MORC2: variants seen among roughly 807,000 people sequenced by gnomAD.
The protein encoded by MORC2 is ATPase MORC2.
A neutral mutation model predicts 136.0 loss-of-function variants in MORC2; 30 were observed. That is an observed-to-expected ratio of 0.22 (90% CI 0.17 to 0.30). The LOEUF is 0.30. Among genes scored for constraint, MORC2 ranks in the 10% least tolerant of loss-of-function variants. The pLI, the probability that MORC2 is intolerant of heterozygous loss-of-function variation, is 1.00. For synonymous variants in MORC2, 439 were observed against 487.0 expected (o/e 0.90, Z 1.30); for missense variants, 922 against 1,333.1 (o/e 0.69, Z 4.80).
chr22:30,944,037 C>T (rs956801021), intron 6 of MORC2, among the ~76,000 whole-genome samples: 3 of 152,204 alleles, frequency 2.0e-5, no homozygotes, highest in Admixed American at 2.0e-4. Flanking sequence ...GGATTATAGG[C>T]GTGAGCCACC....
At chr22:30,956,597 C>G (rs188036401) in intron 3 of MORC2, among the ~76,000 whole-genome samples, 166 bp downstream of exon 3, 11 of 152,302 alleles carry the variant, frequency 7.2e-5, no homozygotes, top group Admixed American at 1.3e-4. Context: ...CTGACCAGAG[C>G]TGACCATACC....
At chr22:30,931,658 G>C (rs2147238077) in intron 24 of MORC2, among the ~76,000 whole-genome samples, 1 of 152,304 alleles carries the variant, frequency 6.6e-6, no homozygotes, top group Non-Finnish European at 1.5e-5. Flanking sequence ...ACACAGGCAG[G>C]CACTTGGCAA....
chr22:30,967,229 T>C (rs2041141527), intron 1 of MORC2: 2 of 986,404 alleles, frequency 2.0e-6, no homozygotes. Context: ...GAACACTGTA[T>C]GTTTCTGTGG....
intron 4 of MORC2, 37 bp downstream of exon 4, chr22:30,950,337 GCAC>G: frequency 1.3e-6 from 1 of 761,766 alleles, no homozygotes; most frequent in Non-Finnish European, 2.3e-6. Flanking sequence ...TGGTTACATC[GCAC>G]CCCCCCACCC....
At position 30,935,248 on chromosome 22, in the gene MORC2, C is replaced by T. The variant is rs1214680334; in HGVS notation, c.1812G>A (p.Glu604=). The T allele has an allele frequency of 1.2e-6, 2 of 1,613,422 alleles. No homozygotes were observed. Among genetic ancestry groups the T allele is most frequent in the Non-Finnish European group, 1.7e-6 (2 of 1,179,804 alleles). The change falls in exon 18 of 26, where the codon GAG becomes GAA. Residue 604 remains glutamate, a splice_region_variant and synonymous_variant. Transcript: ENST00000397641. ...PLEVTTRPST[E]EPVRRPQRPR... ...CCCTTCCCAGGCCCCTGGACTTCAC[C>T]TCAGTGGAAGGTCTGGTGGTCACTT...
chr22:30,937,146 G>T lies in MORC2; in HGVS notation c.1499-109C>A. On this transcript the variant is annotated intron_variant, in intron 15 of 25. Coordinates refer to ENST00000397641, the MANE Select transcript of MORC2 (RefSeq NM_001303256.3). This position sits in a 1 kb window ranked among gnomAD's most constrained non-coding sequence, Gnocchi z 4.7. Reference sequence around the variant, plus strand: ...TGATGCCCCAGACTTTGTAGGCAAAGATCTTCACTCGGGCTCCAACTCTGC... The same window carrying T: ...TGATGCCCCAGACTTTGTAGGCAAATATCTTCACTCGGGCTCCAACTCTGC... 1.3e-6 allele frequency: 1 copy of T among 759,418 alleles called. No individual in the cohort carries two copies. The highest frequency in any genetic ancestry group is 2.3e-6 in the Non-Finnish European group (1 of 436,302). 47.0% of individuals were successfully genotyped at this position (759,418 alleles called of 1,614,324 possible).
chr22:30,940,866 C>G, intron 9 of MORC2, 29 bp from the exon 10 acceptor site: 1 of 1,597,124 alleles, frequency 6.3e-7, no homozygotes. Flanking sequence ...AAGCTGATGG[C>G]CCACGCAGCA....
At chr22:30,958,890 C>T (rs1057149875) in intron 1 of MORC2, 196 bp from the exon 2 acceptor site, 6 of 527,970 alleles carry the variant, frequency 1.1e-5, no homozygotes, top group Admixed American at 3.2e-5. Flanking sequence ...GTCCTGCCAT[C>T]TATTCAGAAA....
At position 30,925,177 on chromosome 22, in the gene MORC2, A is replaced by G. The variant is rs938276901; in HGVS notation, c.*1626T>C. ...CTTTATAGTATTGCGTTTCGATTAC[A>G]TGTGTGTGAATTTTAAAAACTGATT... is the stretch of plus-strand genomic sequence containing the variant. On this transcript the variant is annotated 3_prime_UTR_variant, in exon 26 of 26. Coordinates refer to ENST00000397641, the MANE Select transcript of MORC2 (RefSeq NM_001303256.3). The G allele has an allele frequency of 3.3e-6, 1 of 303,146 alleles. No homozygotes were observed. The highest frequency in any genetic ancestry group is 2.2e-5 in the African/African-American group (1 of 45,484). The allele number at this position is 303,146 out of a possible 1,614,324, so 18.8% of individuals were successfully genotyped here.
chr22:30,964,578 A>G (rs1288770480), intron 1 of MORC2, among the ~76,000 whole-genome samples: 4 of 152,180 alleles, frequency 2.6e-5, no homozygotes, highest in Non-Finnish European at 4.4e-5. Flanking sequence ...AAGTCACAAA[A>G]CCCACTACCA....
In MORC2 at chr22:30,941,474, C is replaced by T. The variant is rs574994715; in HGVS notation, c.783G>A (p.Lys261=). The T allele has an allele frequency of 1.9e-6, 3 of 1,614,010 alleles. No homozygotes were observed. Among genetic ancestry groups the T allele is most frequent in the South Asian group, 2.2e-5 (2 of 91,066 alleles). The change falls in exon 9 of 26, where the codon AAG becomes AAA. Residue 261 remains lysine (K), a synonymous_variant. Transcript: ENST00000397641. This position sits in a 1 kb window ranked among gnomAD's most constrained non-coding sequence, Gnocchi z 4.6. ...PRMRIFIHGH[K]VQTKRLSCCL... The stretch of plus-strand genomic sequence containing the variant: ...AGCAGGAGAGCCTCTTGGTCTGCAC[C>T]TTGTGCCCATGGATGAAGATCCTCA...
rs189543295 is a variant in MORC2 at position 30,925,199 on chromosome 22, G to A, written c.*1604C>T. On this transcript the variant is annotated 3_prime_UTR_variant, in exon 26 of 26. Coordinates refer to ENST00000397641, the MANE Select transcript of MORC2 (RefSeq NM_001303256.3). ...TACATGTGTGTGAATTTTAAAAACT[G>A]ATTACCCTCCAGTAAAAATGTGGAA... 8.1e-4 allele frequency: 235 copies of A among 288,354 alleles called. No individual in the cohort carries two copies. Among genetic ancestry groups the A allele is most frequent in the African/African-American group, 4.6e-3 (205 of 44,956 alleles). 17.9% of individuals were successfully genotyped at this position (288,354 alleles called of 1,614,324 possible). A position where few individuals can be genotyped will look rare whatever the true frequency, so the allele number is the denominator to read the frequency against.
intron 11 of MORC2, 119 bp from the exon 12 acceptor site, chr22:30,939,825 T>C: frequency 7.4e-7 from 1 of 1,345,184 alleles, no homozygotes; most frequent in Non-Finnish European, 1.0e-6. Flanking sequence ...CACCTGGAAA[T>C]TTACTTCTTT....
intron 3 of MORC2, among the ~76,000 whole-genome samples, chr22:30,950,803 T>A (rs548373928): frequency 6.6e-6 from 1 of 152,322 alleles, no homozygotes; most frequent in South Asian, 2.1e-4. Context: ...CCCTATGCCA[T>A]AGACCCCAAG....
intron 17 of MORC2, among the ~76,000 whole-genome samples, chr22:30,935,690 T>C (rs2040642348): frequency 1.3e-5 from 2 of 152,130 alleles, no homozygotes; most frequent in Non-Finnish European, 2.9e-5. Context: ...CATGGGTTAG[T>C]GAGAGCACAT....
chr22:30,950,337 G>GCGGGGCCCCC, intron 4 of MORC2, 40 bp downstream of exon 4: 2 of 761,696 alleles, frequency 2.6e-6, no homozygotes, highest in African/African-American at 1.8e-5. Flanking sequence ...TGGTTACATC[G>GCGGGGCCCCC]CACCCCCCCA....
At chr22:30,929,514 C>T (rs199517994) in intron 24 of MORC2, among the ~76,000 whole-genome samples, 9 of 151,748 alleles carry the variant, frequency 5.9e-5, no homozygotes, top group African/African-American at 1.7e-4. Flanking sequence ...TTTGGGAGGC[C>T]GAGGCAGGTG....
At chr22:30,940,306 A>C (rs1423809908) in intron 10 of MORC2, among the ~76,000 whole-genome samples, 1 of 152,102 alleles carries the variant, frequency 6.6e-6, no homozygotes, top group Admixed American at 6.5e-5. Context: ...AAAAAAAAAA[A>C]AAACACCTAA....
intron 17 of MORC2, among the ~76,000 whole-genome samples, chr22:30,936,028 A>G (rs1037123822): frequency 6.6e-6 from 1 of 152,238 alleles, no homozygotes; most frequent in African/African-American, 2.4e-5. Context: ...GAATTTTACA[A>G]TGGACCTTTT....
Sources: allele counts gnomAD v4.1 joint callset (sites outside exome capture counted in the v4.1 genomes callset), GRCh38; gene constraint gnomAD v4.1.1; non-coding constraint Gnocchi (gnomAD v3.1); transcripts MANE v1.5; gene names NCBI Gene and HGNC (gene_info 2026-07-23, HGNC 2026-07-21).